Variants in ADAMTSL1 observed in about 807,000 individuals in gnomAD.
ADAMTSL1 encodes the protein ADAMTS-like protein 1.
ADAMTSL1 carries 126 observed loss-of-function variants against 201.8 expected under a neutral mutation model. The ratio of observed to expected loss-of-function variants is 0.62; its 90% CI spans 0.54 to 0.72. The LOEUF is 0.72. Ranked by LOEUF, ADAMTSL1 falls within the 30% of genes least tolerant of loss-of-function variation. The pLI is 0.00. For missense variants in ADAMTSL1, 2,679 were observed against 2,277.8 expected (o/e 1.18, Z -3.59); for synonymous variants, 1,121 against 903.4 (o/e 1.24, Z -4.32).
At chr9:17,990,779 A>C (rs1819122111) in intron 1 of ADAMTSL1, among the ~76,000 whole-genome samples, 2 of 152,100 alleles carry the variant, frequency 1.3e-5, no homozygotes, top group Non-Finnish European at 2.9e-5. Context: ...TTGAAATTAC[A>C]TGTTACCCAG....
At chr9:18,169,209 G>A (rs1280610414) in intron 2 of ADAMTSL1, among the ~76,000 whole-genome samples, 1 of 151,898 alleles carries the variant, frequency 6.6e-6, no homozygotes, top group African/African-American at 2.4e-5. Flanking sequence ...CCATGCCTAT[G>A]TCCTGAATGG....
chr9:18,453,458 C>G (rs1820489982), intron 2 of ADAMTSL1, among the ~76,000 whole-genome samples: 2 of 152,176 alleles, frequency 1.3e-5, no homozygotes, highest in African/African-American at 4.8e-5. Context: ...CACTTGGCCA[C>G]ACCCTTGGTT....
intron 2 of ADAMTSL1, among the ~76,000 whole-genome samples, chr9:18,396,502 G>A (rs1817757988): frequency 6.8e-6 from 1 of 147,400 alleles, no homozygotes; most frequent in African/African-American, 2.5e-5. Context: ...AAACTTTAAT[G>A]AGTGAAATTA....
intron 1 of ADAMTSL1, among the ~76,000 whole-genome samples, chr9:18,017,716 G>A (rs529973277): frequency 1.9e-4 from 29 of 152,040 alleles, no homozygotes; most frequent in African/African-American, 5.3e-4. Flanking sequence ...AACTGGCTAC[G>A]TTTCAATTTA....
At chr9:18,184,888 C>T (rs907032752) in intron 2 of ADAMTSL1, among the ~76,000 whole-genome samples, 2 of 152,164 alleles carry the variant, frequency 1.3e-5, no homozygotes, top group Non-Finnish European at 2.9e-5. Flanking sequence ...ATCACTGTAA[C>T]TAACTCACGA....
intron 21 of ADAMTSL1, chr9:18,826,063 T>C (rs1824534042): frequency 1.6e-6 from 1 of 617,746 alleles, no homozygotes; most frequent in Non-Finnish European, 2.9e-6. Context: ...GAGATGTTTA[T>C]CTTGTATCAA....
At position 18,777,076 on chromosome 9, in the gene ADAMTSL1, G is replaced by T. The variant is rs774921372; in HGVS notation, c.2847G>T (p.Ala949=). 1 of 1,613,304 alleles carries T rather than the reference G, an allele frequency of 6.2e-7. No individual in the cohort carries two copies. The highest frequency in any genetic ancestry group is 1.3e-5 in the African/African-American group (1 of 75,070). The change falls in exon 19 of 29, where the codon GCG becomes GCT. Residue 949 remains alanine (A), a synonymous_variant. Coordinates refer to ENST00000380548, the MANE Select transcript of ADAMTSL1 (RefSeq NM_001040272.6). ...PSDAGVYTCS[A]GPAREHFVIK... ...ATGCAGGCGTCTACACCTGCTCAGC[G>T]GGCCCGGCCCGGGAGCACTTTGTGA...
intron 11 of ADAMTSL1, 197 bp downstream of exon 11, chr9:18,680,713 TC>T (rs1331322969): frequency 1.7e-6 from 1 of 585,436 alleles, no homozygotes; most frequent in African/African-American, 1.9e-5. Context: ...AAAGTGTCTT[TC>T]TTCAAGTTTC....
chr9:18,635,888 C>A, intron 5 of ADAMTSL1, 55 bp from the exon 6 acceptor site: 3 of 1,480,514 alleles, frequency 2.0e-6, no homozygotes, highest in Non-Finnish European at 2.8e-6. Flanking sequence ...AGAAGGCAAT[C>A]AATAATTTTG....
chr9:18,232,728 C>G (rs531078339), intron 2 of ADAMTSL1, among the ~76,000 whole-genome samples: 1 of 152,200 alleles, frequency 6.6e-6, no homozygotes, highest in Non-Finnish European at 1.5e-5. Flanking sequence ...CCAAACTTGT[C>G]TTTCTGTATG....
intron 2 of ADAMTSL1, among the ~76,000 whole-genome samples, chr9:18,331,843 T>C (rs1425600237): frequency 6.6e-6 from 1 of 152,216 alleles, no homozygotes; most frequent in Non-Finnish European, 1.5e-5. Flanking sequence ...GAAAATAGAA[T>C]TACCAAAAGG....
At chr9:18,431,907 T>C (rs1190920797) in intron 2 of ADAMTSL1, among the ~76,000 whole-genome samples, 2 of 152,194 alleles carry the variant, frequency 1.3e-5, no homozygotes, top group South Asian at 2.1e-4. Flanking sequence ...TAAATTCATG[T>C]AGCATAAAAG....
At chr9:18,890,497 C>A in intron 25 of ADAMTSL1, 1 of 455,976 alleles carries the variant, frequency 2.2e-6, no homozygotes, top group Admixed American at 2.3e-5. Context: ...TGCCCCTTTA[C>A]TACCTATCTG....
At position 18,148,290 on chromosome 9, in the gene ADAMTSL1, G is replaced by A. The variant is rs1826744837; in HGVS notation, c.88-15572G>A. On this transcript the variant is annotated intron_variant, in intron 1 of 29. Transcript: ENST00000680146. Reference sequence around the variant, plus strand: ...AACATCCTATTTTCAGTTTGAGTTTGAAAAAGAATGTTTGTTTAACATTCA... The same window carrying A: ...AACATCCTATTTTCAGTTTGAGTTTAAAAAAGAATGTTTGTTTAACATTCA... Among the ~76,000 whole-genome samples the A allele has an allele frequency of 2.0e-5, 3 of 148,850 alleles. No individual in the cohort carries two copies. In the South Asian group the frequency reaches 6.4e-4, roughly 32 times the overall value.
At chr9:18,438,066 G>C (rs959846705) in intron 2 of ADAMTSL1, among the ~76,000 whole-genome samples, 1 of 152,034 alleles carries the variant, frequency 6.6e-6, no homozygotes, top group African/African-American at 2.4e-5. Flanking sequence ...TTGTTAACGC[G>C]TGCTTGATGG....
In ADAMTSL1 at chr9:18,906,867, C is replaced by T. The variant is rs754877575; in HGVS notation, c.5137C>T (p.Arg1713Trp). 10 of 1,613,856 alleles carry T rather than the reference C, an allele frequency of 6.2e-6. No homozygotes were observed. Among genetic ancestry groups the T allele is most frequent in the African/African-American group, 5.3e-5 (4 of 74,930 alleles). Residue 1713 changes from arginine (R) to tryptophan (W), a missense_variant, in exon 28 of 29, where the codon CGG (arginine) becomes TGG (tryptophan). Transcript: ENST00000380548. Reference protein sequence around the residue: ...VPEHLCSWGPRPANWQRCNIT... With the variant: ...VPEHLCSWGPWPANWQRCNIT... ...TGAGCACCTGTGCTCCTGGGGGCCC[C>T]GGCCTGCCAACTGGCAGCGCTGCAA...
Position 18,777,237 on chromosome 9 carries a change from C to A in ADAMTSL1, c.3008C>A (p.Ser1003Tyr). 1 of 1,612,668 alleles carries A rather than the reference C, an allele frequency of 6.2e-7. No homozygotes were observed. Among genetic ancestry groups the A allele is most frequent in the Non-Finnish European group, 8.5e-7 (1 of 1,179,718 alleles). Residue 1003 changes from serine (S) to tyrosine (Y), a missense_variant, in exon 19 of 29, where the codon TCC (serine) becomes TAC (tyrosine). Coordinates refer to ENST00000380548, the MANE Select transcript of ADAMTSL1 (RefSeq NM_001040272.6). ...CACAAACACCAGAACGGGATCTTCT[C>A]CAACGGCAGCAAGGCGGAGAAGCGG... ...QTHKHQNGIF[S>Y]NGSKAEKRGL...
intron 2 of ADAMTSL1, among the ~76,000 whole-genome samples, chr9:18,361,051 G>A (rs1204899339): frequency 2.0e-5 from 3 of 152,072 alleles, no homozygotes; most frequent in South Asian, 4.2e-4. Context: ...TTTTGAGCCC[G>A]TTGGAATGCA....
chr9:18,751,520 T>G (rs907691574), intron 15 of ADAMTSL1, among the ~76,000 whole-genome samples: 3 of 152,174 alleles, frequency 2.0e-5, no homozygotes, highest in Non-Finnish European at 2.9e-5. Context: ...AATGAGATAA[T>G]GTGTTAAGGT....
Sources: allele counts gnomAD v4.1 joint callset (sites outside exome capture counted in the v4.1 genomes callset), GRCh38; gene constraint gnomAD v4.1.1; transcripts MANE v1.5; gene names NCBI Gene and HGNC (gene_info 2026-07-23, HGNC 2026-07-21).